Variants in KIF4A observed in about 807,000 individuals in gnomAD.
KIF4A encodes kinesin family member 4A, also known as chromosome-associated kinesin KIF4A.
KIF4A carries 7 observed loss-of-function variants against 105.9 expected under a neutral mutation model. The observed-to-expected ratio is 0.07, with a 90% confidence interval of 0.04 to 0.12. The LOEUF (loss-of-function observed/expected upper bound fraction) is 0.12. Among genes scored for constraint, KIF4A ranks in the 10% least tolerant of loss-of-function variants. The pLI, the probability that KIF4A is intolerant of heterozygous loss-of-function variation, is 1.00. For missense variants in KIF4A, 558 were observed against 929.2 expected (o/e 0.60, Z 5.19); for synonymous variants, 281 against 331.3 (o/e 0.85, Z 1.65).
intron 7 of KIF4A, among the ~76,000 whole-genome samples, chrX:70,314,260 A>C: frequency 8.9e-6 from 1 of 112,514 alleles, no homozygotes. Flanking sequence ...TTTTCTACTT[A>C]TCAAGAACTA....
chrX:70,392,079 T>G (rs900622534), intron 20 of KIF4A, among the ~76,000 whole-genome samples: 8 of 112,017 alleles, frequency 7.1e-5, no homozygotes, highest in African/African-American at 9.7e-5. Flanking sequence ...AAAACTTGTT[T>G]AAATTTTTGT....
At chrX:70,299,779 A>G (rs1247690689) in intron 5 of KIF4A, among the ~76,000 whole-genome samples, 2 of 112,192 alleles carry the variant, frequency 1.8e-5, no homozygotes, top group African/African-American at 6.5e-5. Context: ...CTTTGGGATG[A>G]TATTTTTAAA....
intron 7 of KIF4A, among the ~76,000 whole-genome samples, chrX:70,325,827 TTAA>T (rs2085908984): frequency 9.0e-6 from 1 of 110,569 alleles, no homozygotes; most frequent in Non-Finnish European, 1.9e-5. Context: ...TTCTACTCCA[TTAA>T]TAATAACTTA....
At chrX:70,326,619 G>A (rs2085911951) in intron 7 of KIF4A, among the ~76,000 whole-genome samples, 1 of 112,039 alleles carries the variant, frequency 8.9e-6, no homozygotes, top group Non-Finnish European at 1.9e-5. Context: ...AAGGTATTGA[G>A]TAGCATTTTT....
rs1219143158 is a variant in KIF4A, at chrX:70,373,524, G to GTATA, written c.1675-598_1675-595dup. ...CATATATATATACATGTGTGTGTAT[G>GTATA]TATATATATATATATATATATATAT... On this transcript the variant is annotated intron_variant, in intron 15 of 30. Coordinates refer to ENST00000374403, the MANE Select transcript of KIF4A (RefSeq NM_012310.5). Among the ~76,000 whole-genome samples, 4 of 5,895 alleles carry GTATA rather than the reference G, an allele frequency of 6.8e-4. 1 individual carries two copies. Among genetic ancestry groups the GTATA allele is most frequent in the South Asian group, 0.018 (1 of 56 alleles). 5.1% of individuals were successfully genotyped at this position (5,895 alleles called of 115,157 possible). A position where few individuals can be genotyped will look rare whatever the true frequency, so the allele number is the denominator to read the frequency against.
chrX:70,365,039 T>C (rs1415775508), intron 15 of KIF4A, among the ~76,000 whole-genome samples: 15 of 111,729 alleles, frequency 1.3e-4, no homozygotes, highest in African/African-American at 4.9e-4. Context: ...TTTGGCTCTC[T>C]GTTTGTCTGT....
intron 29 of KIF4A, among the ~76,000 whole-genome samples, chrX:70,418,789 T>A (rs1373483886): frequency 8.9e-6 from 1 of 112,043 alleles, no homozygotes; most frequent in Non-Finnish European, 1.9e-5. Flanking sequence ...GCATCTTCTA[T>A]TAAAAAGACC....
intron 15 of KIF4A, chrX:70,361,712 C>G (rs62606854): frequency 0.022 from 2,842 of 129,076 alleles, 30 homozygotes; most frequent in South Asian, 0.04. Flanking sequence ...AGCTGAGGGC[C>G]CTCTGTGTGC....
At chrX:70,372,628 C>A (rs1343651398) in intron 15 of KIF4A, among the ~76,000 whole-genome samples, 1 of 112,856 alleles carries the variant, frequency 8.9e-6, no homozygotes, top group Non-Finnish European at 1.9e-5. Context: ...CAGAGGGAGA[C>A]CGTGGAAAGA....
chrX:70,395,301 G>A (rs892350788), intron 20 of KIF4A, among the ~76,000 whole-genome samples: 6 of 111,298 alleles, frequency 5.4e-5, no homozygotes, highest in African/African-American at 9.8e-5. Context: ...TAAAAATCCC[G>A]TTCATCTACT....
intron 18 of KIF4A, among the ~76,000 whole-genome samples, chrX:70,377,567 G>A (rs2086179719): frequency 8.9e-6 from 1 of 112,357 alleles, no homozygotes; most frequent in Non-Finnish European, 1.9e-5. Flanking sequence ...AGGATATACA[G>A]TCTTCCTAGG....
At chrX:70,376,937 C>T (rs1356929240) in intron 18 of KIF4A, among the ~76,000 whole-genome samples, 1 of 111,447 alleles carries the variant, frequency 9.0e-6, no homozygotes, top group Non-Finnish European at 1.9e-5. Flanking sequence ...TTGTATAATC[C>T]AGAAGAATTA....
At chrX:70,291,247 A>T (rs2085759329) in intron 3 of KIF4A, among the ~76,000 whole-genome samples, 1 of 112,021 alleles carries the variant, frequency 8.9e-6, no homozygotes, top group Non-Finnish European at 1.9e-5. Flanking sequence ...AAAAATTTTT[A>T]AATTTTTTGT....
At chrX:70,361,457 A>G (rs1277759481) in intron 15 of KIF4A, 1 of 134,724 alleles carries the variant, frequency 7.4e-6, no homozygotes, top group Non-Finnish European at 1.6e-5. Context: ...TCACCATGTT[A>G]TCAAAGTCCC....
intron 7 of KIF4A, among the ~76,000 whole-genome samples, 164 bp downstream of exon 7, chrX:70,302,562 C>T (rs939890125): frequency 1.8e-5 from 2 of 112,275 alleles, no homozygotes; most frequent in African/African-American, 3.2e-5. Context: ...CTTTCCCTTG[C>T]TCTCATTCTC....
chrX:70,340,046 A>G (rs1418157346), intron 10 of KIF4A, among the ~76,000 whole-genome samples: 1 of 110,939 alleles, frequency 9.0e-6, no homozygotes, highest in Non-Finnish European at 1.9e-5. Context: ...TATAGTACCT[A>G]TCTCTGTAGT....
rs563584956 is a variant in KIF4A, at chrX:70,331,368, C to G, written c.1071+1036C>G. Reference sequence around the variant, plus strand: ...CCTTAGGGATGTTGCAGGCTTGGTTCCAGACCACCACAGTAAAGCAAATAT... The same window carrying G: ...CCTTAGGGATGTTGCAGGCTTGGTTGCAGACCACCACAGTAAAGCAAATAT... On this transcript the variant is annotated intron_variant, in intron 9 of 30. Transcript: ENST00000374403. Among the ~76,000 whole-genome samples, 61 of 111,167 alleles carry G rather than the reference C, an allele frequency of 5.5e-4. No individual in the cohort carries two copies. The South Asian group carries it at 0.023, about 42-fold the overall frequency.
In KIF4A at chrX:70,330,321, C is replaced by T; in HGVS notation, c.1060C>T (p.Leu354=). 1 of 1,208,494 alleles carries T rather than the reference C, an allele frequency of 8.3e-7. No individual in the cohort carries two copies. The highest frequency in any genetic ancestry group is 1.7e-5 in the African/African-American group (1 of 57,745). ...TCCCCAGACAGCTGAACTTAATCAT[C>T]TAAAGCAACAGGTATAAGGGACTTA... ...IDPQTAELNH[L]KQQVQQLQVL... Residue 354 remains leucine, a synonymous_variant, in exon 9 of 31, where the codon CTA becomes TTA. Coordinates refer to ENST00000374403, the MANE Select transcript of KIF4A (RefSeq NM_012310.5).
At chrX:70,311,630 T>C (rs1466043564) in intron 7 of KIF4A, among the ~76,000 whole-genome samples, 1 of 111,564 alleles carries the variant, frequency 9.0e-6, no homozygotes, top group Non-Finnish European at 1.9e-5. Context: ...TTTTATTTTT[T>C]TCAGTTTGTA....
Sources: allele counts gnomAD v4.1 joint callset (sites outside exome capture counted in the v4.1 genomes callset), GRCh38; gene constraint gnomAD v4.1.1; transcripts MANE v1.5; gene names NCBI Gene and HGNC (gene_info 2026-07-23, HGNC 2026-07-21).